Variants in SH3BGRL2 observed in about 807,000 individuals in gnomAD.
SH3BGRL2 encodes SH3 domain-binding glutamic acid-rich-like protein 2.
In SH3BGRL2, 21 loss-of-function variants were observed where a neutral mutation model predicts 14.8. That is an observed-to-expected ratio of 1.42 (90% CI 1.01 to 2.05). The LOEUF (loss-of-function observed/expected upper bound fraction) is 2.05, where lower values mean the gene tolerates loss of function less well. SH3BGRL2 is among the 30% of genes most tolerant of loss of function. SH3BGRL2 has a pLI of 0.00. For missense variants in SH3BGRL2, 147 were observed against 130.8 expected, an observed-to-expected ratio of 1.12 and a Z score of -0.61; for synonymous variants, 50 against 47.8, an observed-to-expected ratio of 1.05 and a Z score of -0.19.
At chr6:79,595,318 C>T in the SH3BGRL2 span, among the ~76,000 whole-genome samples, 3 of 151,920 alleles carry the variant, frequency 2.0e-5, no homozygotes, top group South Asian at 6.2e-4. Flanking sequence ...TGCTGTTCAT[C>T]GGGAGATGTC....
intron 2 of SH3BGRL2, among the ~76,000 whole-genome samples, chr6:79,691,567 C>T (rs1276085459): frequency 2.1e-5 from 3 of 144,564 alleles, no homozygotes; most frequent in Non-Finnish European, 4.5e-5. Flanking sequence ...CATGTGTTCT[C>T]ATTGTTCAAT....
chr6:79,674,601 A>C (rs1005682499), intron 2 of SH3BGRL2, among the ~76,000 whole-genome samples: 30 of 152,230 alleles, frequency 2.0e-4, no homozygotes, highest in African/African-American at 6.8e-4. Context: ...GGTGCTTGAG[A>C]TTAAATAAAT....
the SH3BGRL2 span, among the ~76,000 whole-genome samples, chr6:79,586,235 CTTTTTTTTTTTTTTT>C: frequency 1.8e-5 from 1 of 54,962 alleles, no homozygotes; most frequent in South Asian, 8.9e-4. Context: ...GTATGGACTT[CTTTTTTTTTTTTTTT>C]TTTTTTTTTT....
the SH3BGRL2 span, among the ~76,000 whole-genome samples, chr6:79,563,466 G>T: frequency 6.6e-6 from 1 of 151,974 alleles, no homozygotes; most frequent in Non-Finnish European, 1.5e-5. Flanking sequence ...CTCCCTCACT[G>T]ACTCTTGGCT....
At chr6:79,594,083 A>C in the SH3BGRL2 span, among the ~76,000 whole-genome samples, 1 of 152,062 alleles carries the variant, frequency 6.6e-6, no homozygotes, top group Non-Finnish European at 1.5e-5. Flanking sequence ...CAGATGATAA[A>C]ATAATGTTTA....
chr6:79,599,408 G>C, the SH3BGRL2 span, among the ~76,000 whole-genome samples: 1 of 141,098 alleles, frequency 7.1e-6, no homozygotes, highest in South Asian at 2.2e-4. Flanking sequence ...TCTCACTCTC[G>C]TCACCCAGGC....
chr6:79,576,212 GA>G, the SH3BGRL2 span, among the ~76,000 whole-genome samples: 1 of 151,918 alleles, frequency 6.6e-6, no homozygotes, highest in Admixed American at 6.6e-5. Flanking sequence ...ATCATTTTAT[GA>G]CATCTCTTTG....
chr6:79,671,251 G>T (rs367707593), intron 1 of SH3BGRL2, among the ~76,000 whole-genome samples: 127 of 152,296 alleles, frequency 8.3e-4, no homozygotes, highest in African/African-American at 3.0e-3. Context: ...CAGATCACCT[G>T]AGGTCGGGAG....
rs761988917 is a variant in SH3BGRL2, at chr6:79,673,724, C to T, written c.156C>T (p.Asn52=). ...SEEQRQWMYK[N]VPPEKKPTQG... ...AACAGAGGCAATGGATGTACAAAAA[C>T]GTCCCCCCGGAAAAGAAACCCACTC... The change falls in exon 2 of 4, where the codon AAC becomes AAT. Residue 52 remains asparagine, a synonymous_variant. Coordinates refer to ENST00000369838, the MANE Select transcript of SH3BGRL2 (RefSeq NM_031469.4). 6.2e-6 allele frequency: 10 copies of T among 1,614,096 alleles called. No homozygotes were observed. Among genetic ancestry groups the T allele is most frequent in the Admixed American group, 5.0e-5 (3 of 60,006 alleles).
At chr6:79,626,837 T>C (rs964601108), upstream of SH3BGRL2, among the ~76,000 whole-genome samples, 7 of 152,220 alleles carry the variant, frequency 4.6e-5, no homozygotes, top group African/African-American at 1.7e-4. Context: ...ATCACCTGCC[T>C]GATCCCTAAA....
chr6:79,657,534 T>C (rs927750605), intron 1 of SH3BGRL2, among the ~76,000 whole-genome samples: 2 of 152,132 alleles, frequency 1.3e-5, no homozygotes, highest in Non-Finnish European at 1.5e-5. Flanking sequence ...GAACAGGTAA[T>C]TATGGAATTA....
chr6:79,592,121 G>C, the SH3BGRL2 span, among the ~76,000 whole-genome samples: 1 of 152,070 alleles, frequency 6.6e-6, no homozygotes, highest in Non-Finnish European at 1.5e-5. Context: ...GCACAATCCT[G>C]GTGTACATAT....
At chr6:79,653,734 T>G (rs1769349411) in intron 1 of SH3BGRL2, among the ~76,000 whole-genome samples, 1 of 151,856 alleles carries the variant, frequency 6.6e-6, no homozygotes, top group Non-Finnish European at 1.5e-5. Context: ...TAAGAAAGAG[T>G]GGGCATAAAC....
At chr6:79,540,372 T>C in the SH3BGRL2 span, among the ~76,000 whole-genome samples, 1 of 151,804 alleles carries the variant, frequency 6.6e-6, no homozygotes, top group Non-Finnish European at 1.5e-5. Flanking sequence ...GAGGCGGAGG[T>C]TGCAGTGAGC....
At chr6:79,641,150 T>TTGTGTGTGTGTGTG (rs373404859) in intron 1 of SH3BGRL2, among the ~76,000 whole-genome samples, 41 of 141,402 alleles carry the variant, frequency 2.9e-4, no homozygotes, top group Admixed American at 5.0e-4. Flanking sequence ...TCTCACCCTT[T>TTGTGTGTGTGTGTG]TGTGTGTGTG....
upstream of SH3BGRL2, among the ~76,000 whole-genome samples, chr6:79,630,571 T>G (rs1452376868): frequency 6.6e-6 from 1 of 152,122 alleles, no homozygotes; most frequent in East Asian, 1.9e-4. Context: ...CAGATTTGGC[T>G]GAACTGTAAA....
At chr6:79,601,603 A>T in the SH3BGRL2 span, among the ~76,000 whole-genome samples, 117,124 of 152,130 alleles carry the variant, frequency 0.77, 45,429 homozygotes, top group East Asian at 0.98. Flanking sequence ...TAAACCATTT[A>T]GTTGATAAAT....
intron 1 of SH3BGRL2, 63 bp downstream of exon 1, chr6:79,631,569 G>T: frequency 7.7e-7 from 1 of 1,296,628 alleles, no homozygotes; most frequent in Non-Finnish European, 1.0e-6. Flanking sequence ...CGGGAGGCGC[G>T]CGGCGCTCGT....
At chr6:79,562,451 G>C in the SH3BGRL2 span, among the ~76,000 whole-genome samples, 1 of 152,090 alleles carries the variant, frequency 6.6e-6, no homozygotes, top group Non-Finnish European at 1.5e-5. Flanking sequence ...AATATTTTAG[G>C]TGGAAATGTA....
Sources: gnomAD v4.1 joint callset for allele counts (sites outside exome capture counted in the v4.1 genomes callset) on GRCh38, gnomAD v4.1.1 for gene constraint, MANE v1.5 for transcripts, NCBI Gene and HGNC (gene_info 2026-07-23, HGNC 2026-07-21) for gene names.